ANK3: variants seen among roughly 807,000 people sequenced by gnomAD.
ANK3 encodes ankyrin 3.
A neutral mutation model predicts 370.9 loss-of-function variants in ANK3; 57 were observed. That is an observed-to-expected ratio of 0.15 (90% CI 0.12 to 0.19). The LOEUF (loss-of-function observed/expected upper bound fraction) is 0.19. ANK3 is among the 10% of genes least tolerant of loss of function. The pLI is 1.00. For synonymous variants in ANK3, 1,929 were observed against 1,946.3 expected (o/e 0.99, Z 0.23); for missense variants, 4,439 against 5,302.1 (o/e 0.84, Z 5.06).
In ANK3 at chr10:60,096,103, G is replaced by A. The variant is rs574116157; in HGVS notation, c.3329-7745C>T. 3.3e-5 allele frequency among the ~76,000 whole-genome samples: 5 copies of A among 152,258 alleles called. 1 individual carries two copies. Among genetic ancestry groups the A allele is most frequent in the Admixed American group, 2.6e-4 (4 of 15,288 alleles). On this transcript the variant is annotated intron_variant, in intron 28 of 43. Transcript: ENST00000280772. Reference sequence around the variant, plus strand: ...CAGGAGAATCACTAGAACCCGGGAGGTGGAGATTGCAGTGAGCCAAGATCA... The same window carrying A: ...CAGGAGAATCACTAGAACCCGGGAGATGGAGATTGCAGTGAGCCAAGATCA...
chr10:60,651,994 T>C (rs1031750361), intron 1 of ANK3, among the ~76,000 whole-genome samples: 2 of 152,196 alleles, frequency 1.3e-5, no homozygotes, highest in African/African-American at 2.4e-5. Context: ...CTGATAGTTG[T>C]TTAATTTCTG....
intron 1 of ANK3, among the ~76,000 whole-genome samples, chr10:60,292,896 C>T (rs2041753480): frequency 6.6e-6 from 1 of 152,054 alleles, no homozygotes; most frequent in South Asian, 2.1e-4. Context: ...TTAATAGAGA[C>T]AGGGTTTCAC....
At chr10:60,563,140 A>C (rs1394316865) in intron 2 of ANK3, among the ~76,000 whole-genome samples, 4 of 152,240 alleles carry the variant, frequency 2.6e-5, no homozygotes, top group African/African-American at 7.2e-5. Context: ...TTAAAAAACC[A>C]AGCTTTATAA....
chr10:60,089,296 G>C (rs957445747), intron 28 of ANK3, among the ~76,000 whole-genome samples: 20 of 152,276 alleles, frequency 1.3e-4, no homozygotes, highest in East Asian at 1.2e-3. Flanking sequence ...TAATAGTTAT[G>C]ACTCAACTTC....
chr10:60,411,114 C>A (rs182976896), intron 2 of ANK3, among the ~76,000 whole-genome samples: 1 of 152,338 alleles, frequency 6.6e-6, no homozygotes, highest in Non-Finnish European at 1.5e-5. Context: ...TTCCAAATAA[C>A]TGCAGCCTCT....
intron 4 of ANK3, 55 bp downstream of exon 4, chr10:60,278,719 G>T: frequency 2.1e-6 from 3 of 1,408,562 alleles, no homozygotes; most frequent in South Asian, 2.3e-5. Flanking sequence ...CTGACCCAAA[G>T]AACATTGTTT....
intron 29 of ANK3, among the ~76,000 whole-genome samples, chr10:60,087,336 T>C (rs2086977024): frequency 6.6e-6 from 1 of 152,200 alleles, no homozygotes; most frequent in South Asian, 2.1e-4. Context: ...AGATTTCAAT[T>C]CTAGTCTACT....
intron 1 of ANK3, among the ~76,000 whole-genome samples, chr10:60,335,596 T>C (rs2052631405): frequency 6.6e-6 from 1 of 152,096 alleles, no homozygotes; most frequent in Admixed American, 6.5e-5. Context: ...ACACAGGCAA[T>C]GAAGGCAATT....
In ANK3 at chr10:60,140,835, A is replaced by G. The variant is rs1002497642; in HGVS notation, c.2615-1748T>C. The stretch of plus-strand genomic sequence containing the variant: ...ATGCGCGTTGCCTAGTCGGGTAACC[A>G]AGACAGCCTTCATGTAGGGAGAGAG... On this transcript the variant is annotated intron_variant, in intron 23 of 43. Coordinates refer to ENST00000280772, the MANE Select transcript of ANK3 (RefSeq NM_020987.5). 8 of 993,052 alleles carry G rather than the reference A, an allele frequency of 8.1e-6. No homozygotes were observed. The South Asian group carries it at 2.8e-4, about 35-fold the overall frequency. The allele number at this position is 993,052 out of a possible 1,614,324, so 61.5% of individuals were successfully genotyped here.
intron 1 of ANK3, among the ~76,000 whole-genome samples, chr10:60,664,875 A>G (rs944723150): frequency 6.6e-6 from 1 of 152,236 alleles, no homozygotes; most frequent in Non-Finnish European, 1.5e-5. Context: ...ATGTAAGAGG[A>G]GTAAAATGTG....
rs148742135 is a variant in ANK3, at chr10:60,401,483, A to T, written c.97-121844T>A. ...TTTCAGCTAGGAAGAATTTTTTAAAAATTGTATTGCCACTATTCAGAAATG... is the reference window on the plus strand; with the variant it reads ...TTTCAGCTAGGAAGAATTTTTTAAATATTGTATTGCCACTATTCAGAAATG... On this transcript the variant is annotated intron_variant, in intron 2 of 43. Coordinates refer to the ANK3 transcript ENST00000373827. 2.4e-3 allele frequency among the ~76,000 whole-genome samples: 370 copies of T among 152,320 alleles called. 2 individuals are homozygous for T. The highest frequency in any genetic ancestry group is 0.02 in the Middle Eastern group (6 of 294).
intron 38 of ANK3, among the ~76,000 whole-genome samples, chr10:60,067,251 T>C (rs555513771): frequency 2.2e-4 from 34 of 152,202 alleles, no homozygotes; most frequent in Non-Finnish European, 4.4e-4. Context: ...ATGTTTATCA[T>C]ATTTTAAAAA....
rs565646691 is a variant in ANK3, at chr10:60,726,150, T to A, written c.57+7113A>T. 4.6e-5 allele frequency among the ~76,000 whole-genome samples: 7 copies of A among 152,270 alleles called. No individual in the cohort carries two copies. In the East Asian group the frequency reaches 9.6e-4, roughly 21 times the overall value. On this transcript the variant is annotated intron_variant, in intron 1 of 43. Coordinates refer to the ANK3 transcript ENST00000373827. Reference sequence around the variant, plus strand: ...TCATCTACTATATCAGCACATCACATAGCTTCTCTCAGATACTTAGAACAA... The same window carrying A: ...TCATCTACTATATCAGCACATCACAAAGCTTCTCTCAGATACTTAGAACAA...
chr10:60,207,389 AT>A (rs1486567092), intron 10 of ANK3, among the ~76,000 whole-genome samples: 2 of 152,116 alleles, frequency 1.3e-5, no homozygotes, highest in Non-Finnish European at 2.9e-5. Flanking sequence ...TGGGTGACTT[AT>A]TTTTTCCTAA....
intron 24 of ANK3, among the ~76,000 whole-genome samples, chr10:60,137,032 A>G (rs971385226): frequency 4.6e-5 from 7 of 152,282 alleles, no homozygotes; most frequent in African/African-American, 1.7e-4. Flanking sequence ...ACAGCCCTTC[A>G]CATCAGGACT....
intron 1 of ANK3, among the ~76,000 whole-genome samples, chr10:60,376,636 T>C (rs2060817359): frequency 6.6e-6 from 1 of 152,098 alleles, no homozygotes; most frequent in Non-Finnish European, 1.5e-5. Context: ...GACTGGAAAA[T>C]CAAGACCAGC....
intron 21 of ANK3, 106 bp downstream of exon 21, chr10:60,172,202 T>C (rs2095810944): frequency 2.5e-6 from 2 of 797,166 alleles, no homozygotes; most frequent in Non-Finnish European, 4.2e-6. Context: ...TTTTAAAACA[T>C]GGTGCTTAGT....
At chr10:60,502,024 C>T (rs17816753) in intron 2 of ANK3, among the ~76,000 whole-genome samples, 7 of 54,084 alleles carry the variant, frequency 1.3e-4, no homozygotes, top group South Asian at 5.3e-4. Flanking sequence ...TTTAACATCT[C>T]CCCAAATGAC....
intron 25 of ANK3, among the ~76,000 whole-genome samples, chr10:60,133,269 T>A (rs1486474439): frequency 6.6e-6 from 1 of 152,232 alleles, no homozygotes; most frequent in Non-Finnish European, 1.5e-5. Flanking sequence ...TTTAAAAGTT[T>A]TATTGTCCAG....
Sources: gnomAD v4.1 joint callset for allele counts (sites outside exome capture counted in the v4.1 genomes callset) on GRCh38, gnomAD v4.1.1 for gene constraint, MANE v1.5 for transcripts, NCBI Gene and HGNC (gene_info 2026-07-23, HGNC 2026-07-21) for gene names.